Variants in EHBP1 observed in about 807,000 individuals in gnomAD.
EHBP1 encodes EH domain binding protein 1, also known as EH domain-binding protein 1.
EHBP1 carries 55 observed loss-of-function variants against 144.0 expected under a neutral mutation model. That is an observed-to-expected ratio of 0.38 (90% CI 0.31 to 0.48). The LOEUF (loss-of-function observed/expected upper bound fraction) is 0.48. EHBP1 is among the 20% of genes least tolerant of loss of function. The pLI, the probability that EHBP1 is intolerant of heterozygous loss-of-function variation, is 0.98. For synonymous variants in EHBP1, 469 were observed against 472.7 expected (o/e 0.99, Z 0.10); for missense variants, 1,200 against 1,364.2 (o/e 0.88, Z 1.90).
intron 7 of EHBP1, among the ~76,000 whole-genome samples, chr2:62,832,487 T>C (rs2046894976): frequency 1.3e-5 from 2 of 150,014 alleles, no homozygotes; most frequent in South Asian, 2.1e-4. Flanking sequence ...CAACCCTACA[T>C]TGAGCAAGTC....
chr2:62,972,423 G>A (rs1347734319), intron 14 of EHBP1, among the ~76,000 whole-genome samples: 1 of 151,972 alleles, frequency 6.6e-6, no homozygotes, highest in African/African-American at 2.4e-5. Context: ...CAATATTATT[G>A]CAAAAAAGTC....
intron 8 of EHBP1, among the ~76,000 whole-genome samples, chr2:62,859,946 T>C (rs1489961970): frequency 6.6e-6 from 1 of 152,208 alleles, no homozygotes; most frequent in Non-Finnish European, 1.5e-5. Context: ...TTTACATCTT[T>C]TTTTGACTGT....
intron 16 of EHBP1, among the ~76,000 whole-genome samples, chr2:62,993,097 A>C (rs1290207467): frequency 2.0e-5 from 3 of 152,186 alleles, no homozygotes; most frequent in Non-Finnish European, 4.4e-5. Context: ...GGAAAGTTAT[A>C]GCTGATGAAA....
At chr2:62,994,934 T>G (rs1417666272) in intron 18 of EHBP1, among the ~76,000 whole-genome samples, 1 of 152,170 alleles carries the variant, frequency 6.6e-6, no homozygotes, top group East Asian at 1.9e-4. Context: ...GATTATGAAA[T>G]TTCTTTCTAT....
At chr2:62,863,419 G>A (rs1262723466) in intron 8 of EHBP1, among the ~76,000 whole-genome samples, 2 of 152,068 alleles carry the variant, frequency 1.3e-5, no homozygotes, top group Non-Finnish European at 2.9e-5. Context: ...TACAGCCTGG[G>A]CAACAGAGTG....
chr2:62,831,591 G>A (rs2152658347), intron 7 of EHBP1, among the ~76,000 whole-genome samples: 1 of 152,258 alleles, frequency 6.6e-6, no homozygotes. Context: ...TATATCTTAT[G>A]TATCCTGGTA....
chr2:62,906,978 A>G (rs1009573632), intron 10 of EHBP1, among the ~76,000 whole-genome samples: 1 of 152,198 alleles, frequency 6.6e-6, no homozygotes, highest in Admixed American at 6.5e-5. Context: ...TCAATAGCTC[A>G]TTCCTTCTTA....
At chr2:62,745,133 G>C (rs182887461) in intron 2 of EHBP1, among the ~76,000 whole-genome samples, 114 of 152,158 alleles carry the variant, frequency 7.5e-4, no homozygotes, top group African/African-American at 2.5e-3. Flanking sequence ...AACCAATTGG[G>C]AGTTCCTGGA....
intron 5 of EHBP1, among the ~76,000 whole-genome samples, chr2:62,825,583 G>T (rs550272718): frequency 1.3e-5 from 2 of 150,470 alleles, no homozygotes; most frequent in East Asian, 3.9e-4. Context: ...CAAATTACAG[G>T]ATACATAGAA....
In EHBP1 at chr2:63,045,485, A is replaced by G. The variant is rs371717777; in HGVS notation, c.3468A>G (p.Lys1156=). ...NKGKMAKKEE[K]CVLQ ...GCAAGATGGCCAAGAAAGAGGAGAA[A>G]TGTGTTCTTCAGTAGCCATCAGATC... Residue 1156 remains lysine, a synonymous_variant, in exon 23 of 23, where the codon AAA becomes AAG. Coordinates refer to ENST00000431489, the MANE Select transcript of EHBP1 (RefSeq NM_001142616.3). The surrounding 1 kb of genome is among the most constrained non-coding windows in gnomAD (Gnocchi z 5.7). 2.0e-5 allele frequency: 32 copies of G among 1,613,676 alleles called. No homozygotes were observed. The highest frequency in any genetic ancestry group is 2.6e-5 in the Non-Finnish European group (31 of 1,179,750).
At chr2:62,863,865 T>TTA (rs1420527894) in intron 8 of EHBP1, among the ~76,000 whole-genome samples, 2 of 144,960 alleles carry the variant, frequency 1.4e-5, no homozygotes, top group East Asian at 2.0e-4. Context: ...TTTTTTTTTT[T>TTA]AAACAGAGTC....
rs535557143 is a variant in EHBP1, at chr2:62,864,853, T to C, written c.880T>C (p.Phe294Leu). 7.4e-6 allele frequency: 12 copies of C among 1,614,026 alleles called. No homozygotes were observed. The Admixed American group carries it at 1.7e-4, about 22-fold the overall frequency. Residue 294 changes from phenylalanine (F) to leucine (L), a missense_variant, in exon 9 of 23, where the codon TTT becomes CTT. By Grantham distance (22) the Phe-to-Leu change is conservative. This residue lies in a region of EHBP1 where 266 missense variants were observed against 262.4 expected (regional missense o/e 1.01). Transcript: ENST00000431489. ...YLNPFDEPEA[F>L]VTIKDSPPQS... is the part of the protein sequence containing the mutation. Reference sequence around the variant, plus strand: ...GAACCCATTCGATGAGCCAGAAGCATTTGTGACCATAAAGGATTCTCCTCC... The same window carrying C: ...GAACCCATTCGATGAGCCAGAAGCACTTGTGACCATAAAGGATTCTCCTCC...
At chr2:63,011,102 G>A (rs1244781792) in intron 19 of EHBP1, among the ~76,000 whole-genome samples, 3 of 135,604 alleles carry the variant, frequency 2.2e-5, no homozygotes, top group African/African-American at 8.3e-5. Context: ...TTACTCCTGG[G>A]TTTTGCATCA....
intron 10 of EHBP1, among the ~76,000 whole-genome samples, chr2:62,942,089 T>A (rs934425270): frequency 4.6e-5 from 7 of 152,126 alleles, no homozygotes; most frequent in African/African-American, 1.4e-4. Flanking sequence ...TTAGAAAGTA[T>A]TTTGAGCATA....
intron 2 of EHBP1, among the ~76,000 whole-genome samples, chr2:62,714,040 G>A (rs1362392285): frequency 6.6e-6 from 1 of 152,110 alleles, no homozygotes; most frequent in Non-Finnish European, 1.5e-5. Flanking sequence ...TCTAGATCAA[G>A]AGTTGGCAGG....
chr2:62,993,842 T>G, intron 17 of EHBP1, 29 bp from the exon 18 acceptor site: 1 of 1,495,700 alleles, frequency 6.7e-7, no homozygotes, highest in Non-Finnish European at 8.9e-7. Context: ...TACAATAATT[T>G]TACATGTCTT....
chr2:62,978,523 A>G (rs1005317450), intron 14 of EHBP1, among the ~76,000 whole-genome samples: 2 of 152,036 alleles, frequency 1.3e-5, no homozygotes, highest in African/African-American at 4.8e-5. Context: ...TTTAGTAGTC[A>G]ACAACTCTCT....
At chr2:62,722,252 C>T (rs2036304348) in intron 2 of EHBP1, among the ~76,000 whole-genome samples, 1 of 152,034 alleles carries the variant, frequency 6.6e-6, no homozygotes, top group Admixed American at 6.5e-5. Context: ...CTGCCTCGGC[C>T]TCCCGAGTAG....
intron 10 of EHBP1, among the ~76,000 whole-genome samples, chr2:62,888,542 G>C (rs1475377840): frequency 1.3e-5 from 2 of 152,104 alleles, no homozygotes; most frequent in Non-Finnish European, 2.9e-5. Context: ...TTTTCTTTAT[G>C]AAGACAAAAA....
Sources: gnomAD v4.1 joint callset for allele counts (sites outside exome capture counted in the v4.1 genomes callset) on GRCh38, gnomAD v4.1.1 for gene constraint, gnomAD v4.1.1 regional missense constraint, Gnocchi (gnomAD v3.1) non-coding constraint, MANE v1.5 for transcripts, NCBI Gene and HGNC (gene_info 2026-07-23, HGNC 2026-07-21) for gene names.